TAFA1: variants seen among roughly 807,000 people sequenced by gnomAD.
TAFA1 encodes the protein chemokine-like protein TAFA-1.
TAFA1 carries 4 observed loss-of-function variants against 18.5 expected under a neutral mutation model. That is an observed-to-expected ratio of 0.22 (90% CI 0.11 to 0.49). The LOEUF is 0.49. TAFA1 is among the 20% of genes least tolerant of loss of function. The pLI, the probability that TAFA1 is intolerant of heterozygous loss-of-function variation, is 0.98. For missense variants in TAFA1, 147 were observed against 169.0 expected, an observed-to-expected ratio of 0.87 and a Z score of 0.72; for synonymous variants, 56 against 55.2, an observed-to-expected ratio of 1.01 and a Z score of -0.06.
chr3:68,319,836 C>T (rs914068634), intron 2 of TAFA1, among the ~76,000 whole-genome samples: 1 of 152,096 alleles, frequency 6.6e-6, no homozygotes, highest in African/African-American at 2.4e-5. Flanking sequence ...AAAACTAAGC[C>T]ATGGTTTGAA....
At chr3:68,008,355 A>C (rs1292449551) in intron 2 of TAFA1, among the ~76,000 whole-genome samples, 4 of 152,254 alleles carry the variant, frequency 2.6e-5, no homozygotes. Context: ...ATGGTCATAA[A>C]TAATAAACAG....
intron 2 of TAFA1, among the ~76,000 whole-genome samples, chr3:68,369,143 G>C (rs1466901351): frequency 6.6e-6 from 1 of 152,046 alleles, no homozygotes; most frequent in Non-Finnish European, 1.5e-5. Flanking sequence ...TTAGAAGAGA[G>C]ATGTTCTGGA....
chr3:68,457,230 G>T (rs1318843858), intron 3 of TAFA1, among the ~76,000 whole-genome samples: 1 of 152,092 alleles, frequency 6.6e-6, no homozygotes, highest in African/African-American at 2.4e-5. Context: ...GTTTATCTTG[G>T]TTTATATTCT....
intron 3 of TAFA1, among the ~76,000 whole-genome samples, chr3:68,515,495 C>T (rs1008579332): frequency 3.9e-5 from 6 of 152,226 alleles, no homozygotes; most frequent in East Asian, 3.9e-4. Context: ...TGACTAACAC[C>T]GTAGGGAGAG....
chr3:68,076,295 ATGTTTGTT>A (rs1156693551), intron 2 of TAFA1, among the ~76,000 whole-genome samples: 26 of 150,424 alleles, frequency 1.7e-4, no homozygotes, highest in African/African-American at 2.7e-4. Flanking sequence ...TTTTTTTTGA[ATGTTTGTT>A]TGTTTGTTTG....
intron 3 of TAFA1, among the ~76,000 whole-genome samples, chr3:68,449,697 A>G (rs547659923): frequency 1.3e-5 from 2 of 152,306 alleles, no homozygotes; most frequent in African/African-American, 4.8e-5. Context: ...TCAGGTGGCT[A>G]TAATCTCCCC....
chr3:68,114,080 T>G (rs1442925735), intron 2 of TAFA1, among the ~76,000 whole-genome samples: 1 of 151,946 alleles, frequency 6.6e-6, no homozygotes, highest in Non-Finnish European at 1.5e-5. Context: ...AATTTTTGTA[T>G]TTTTAGTAGA....
intron 2 of TAFA1, among the ~76,000 whole-genome samples, chr3:68,152,769 T>C (rs899167841): frequency 6.6e-6 from 1 of 152,154 alleles, no homozygotes; most frequent in Admixed American, 6.6e-5. Flanking sequence ...CAGGCTTATA[T>C]TCTGCCAGGT....
intron 4 of TAFA1, 122 bp from the exon 5 acceptor site, chr3:68,544,364 T>C (rs2106800058): frequency 2.2e-6 from 2 of 928,576 alleles, no homozygotes; most frequent in African/African-American, 3.3e-5. Context: ...TGACTTCAGA[T>C]CACCTGAAAA....
intron 2 of TAFA1, among the ~76,000 whole-genome samples, chr3:68,061,170 G>A (rs1326229401): frequency 1.3e-5 from 2 of 152,170 alleles, no homozygotes; most frequent in East Asian, 1.9e-4. Flanking sequence ...TGGCATATGC[G>A]AGTCTGTCTC....
chr3:68,535,459 T>C (rs1181213685), intron 3 of TAFA1, among the ~76,000 whole-genome samples: 1 of 152,110 alleles, frequency 6.6e-6, no homozygotes, highest in Non-Finnish European at 1.5e-5. Flanking sequence ...ATTCAAACTC[T>C]GTTTTACCAT....
chr3:68,322,765 A>G (rs886921786), intron 2 of TAFA1, among the ~76,000 whole-genome samples: 1 of 152,144 alleles, frequency 6.6e-6, no homozygotes, highest in African/African-American at 2.4e-5. Context: ...CAACATGGTG[A>G]AACCCCATTT....
chr3:68,417,037 C>T (rs1169433719), intron 2 of TAFA1, among the ~76,000 whole-genome samples: 1 of 152,122 alleles, frequency 6.6e-6, no homozygotes, highest in Non-Finnish European at 1.5e-5. Flanking sequence ...CTGTCAATAC[C>T]TACAGGCCAG....
intron 2 of TAFA1, among the ~76,000 whole-genome samples, chr3:68,137,911 T>C (rs926373695): frequency 1.3e-5 from 2 of 152,040 alleles, no homozygotes; most frequent in Non-Finnish European, 2.9e-5. Context: ...GTTACCTTTA[T>C]GAAAAGTATT....
intron 2 of TAFA1, among the ~76,000 whole-genome samples, chr3:68,347,263 T>G (rs1342405538): frequency 6.6e-6 from 1 of 152,210 alleles, no homozygotes; most frequent in Non-Finnish European, 1.5e-5. Flanking sequence ...ATGCCCTGAA[T>G]GATGTTACAA....
At chr3:67,992,657 T>G in the TAFA1 span, among the ~76,000 whole-genome samples, 1 of 152,244 alleles carries the variant, frequency 6.6e-6, no homozygotes, top group African/African-American at 2.4e-5. Context: ...CAAATGGGCA[T>G]GTTTGTATTC....
intron 3 of TAFA1, among the ~76,000 whole-genome samples, chr3:68,509,623 A>C (rs932017019): frequency 6.6e-6 from 1 of 152,170 alleles, no homozygotes; most frequent in African/African-American, 2.4e-5. Flanking sequence ...TCACTGTTAT[A>C]ATCACAATTA....
Position 68,171,556 on chromosome 3 carries a change from A to G in TAFA1, c.118+164812A>G, listed in dbSNP as rs533326272. On this transcript the variant is annotated intron_variant, in intron 2 of 4. Transcript: ENST00000478136. ...TATTTTAAAAGTCCACTACCAAAAA[A>G]GAAACGTATGGCCCATACACAGGAA... 1.6e-4 allele frequency among the ~76,000 whole-genome samples: 25 copies of G among 152,062 alleles called. No homozygotes were observed. The East Asian group carries it at 4.4e-3, about 27-fold the overall frequency.
intron 2 of TAFA1, among the ~76,000 whole-genome samples, chr3:68,119,188 A>G (rs1013684708): frequency 6.6e-6 from 1 of 152,100 alleles, no homozygotes; most frequent in African/African-American, 2.4e-5. Context: ...TTGGAGAAAC[A>G]TCTGTTCAAG....
Sources: allele counts gnomAD v4.1 joint callset (sites outside exome capture counted in the v4.1 genomes callset), GRCh38; gene constraint gnomAD v4.1.1; transcripts MANE v1.5; gene names NCBI Gene and HGNC (gene_info 2026-07-23, HGNC 2026-07-21).